The following ACKR3 variants were observed in gnomAD, a reference collection of about 807,000 sequenced individuals.
ACKR3 encodes atypical chemokine receptor 3.
In ACKR3, 6 loss-of-function variants were observed where a neutral mutation model predicts 22.4. The observed-to-expected ratio is 0.27, with a 90% CI of 0.15 to 0.53. ACKR3 has a LOEUF of 0.53. Among genes scored for constraint, ACKR3 ranks in the 20% least tolerant of loss-of-function variants. ACKR3 has a pLI of 0.96. For synonymous variants in ACKR3, 209 were observed against 205.2 expected, an observed-to-expected ratio of 1.02 and a Z score of -0.16; for missense variants, 396 against 475.2, an observed-to-expected ratio of 0.83 and a Z score of 1.55.
chr2:236,580,242 C>T (rs1409157712), intron 1 of ACKR3, among the ~76,000 whole-genome samples, 198 bp from the exon 2 acceptor site: 1 of 152,212 alleles, frequency 6.6e-6, no homozygotes, highest in Admixed American at 6.5e-5. Flanking sequence ...GATTTAGATT[C>T]AGAGTATGAT....
At chr2:236,550,980 A>C in the ACKR3 span, among the ~76,000 whole-genome samples, 2 of 151,820 alleles carry the variant, frequency 1.3e-5, no homozygotes, top group Non-Finnish European at 2.9e-5. The surrounding 1 kb of genome is among the most constrained non-coding windows in gnomAD (Gnocchi z 4.6). Flanking sequence ...CCAATCCTCC[A>C]CCTTGTTTGT....
chr2:236,542,936 C>T, the ACKR3 span, among the ~76,000 whole-genome samples: 1 of 83,886 alleles, frequency 1.2e-5, no homozygotes, highest in Non-Finnish European at 2.0e-5. Context: ...ACTACTTGTA[C>T]AATACATTCT....
the ACKR3 span, among the ~76,000 whole-genome samples, chr2:236,555,659 C>G: frequency 2.0e-5 from 3 of 152,096 alleles, no homozygotes; most frequent in Non-Finnish European, 4.4e-5. Context: ...CATGACAGCC[C>G]CTGGTTCCTG....
At chr2:236,548,488 T>C in the ACKR3 span, among the ~76,000 whole-genome samples, 4 of 152,198 alleles carry the variant, frequency 2.6e-5, no homozygotes, top group African/African-American at 9.7e-5. The surrounding 1 kb of genome is among the most constrained non-coding windows in gnomAD (Gnocchi z 4.3). Context: ...AGAACCTAGG[T>C]TAAGATGGTA....
At chr2:236,538,541 A>C in the ACKR3 span, among the ~76,000 whole-genome samples, 1 of 150,016 alleles carries the variant, frequency 6.7e-6, no homozygotes, top group Non-Finnish European at 1.5e-5. Flanking sequence ...ACTGGCCCCA[A>C]GCATGGAAAG....
At chr2:236,578,649 A>C (rs571757412) in intron 1 of ACKR3, among the ~76,000 whole-genome samples, 122 of 152,322 alleles carry the variant, frequency 8.0e-4, no homozygotes, top group Non-Finnish European at 1.4e-3. Context: ...GTCTCCGCTA[A>C]GTGGGGTTCA....
chr2:236,550,794 C>T, the ACKR3 span, among the ~76,000 whole-genome samples: 7 of 152,136 alleles, frequency 4.6e-5, no homozygotes, highest in Non-Finnish European at 1.0e-4. The surrounding 1 kb of genome is among the most constrained non-coding windows in gnomAD (Gnocchi z 4.6). Flanking sequence ...CATTAACGAG[C>T]GGCTACTCAA....
the ACKR3 span, among the ~76,000 whole-genome samples, chr2:236,551,695 G>A: frequency 6.6e-6 from 1 of 152,182 alleles, no homozygotes; most frequent in Admixed American, 6.5e-5. Flanking sequence ...ATACCAAAAT[G>A]TGCCTTGGAC....
In ACKR3 at chr2:236,573,014, T is replaced by C. The variant is rs150059757; in HGVS notation, c.-27+3090T>C. On this transcript the variant is annotated intron_variant, in intron 1 of 1. Transcript: ENST00000272928. ...ACTAGTGAATGTGTAGTCAAGACTG[T>C]TTTCCATTTGCTGGCAGCAGAGGGG... 4.9e-3 allele frequency among the ~76,000 whole-genome samples: 746 copies of C among 152,314 alleles called. 6 individuals carry two copies. The highest frequency in any genetic ancestry group is 0.017 in the African/African-American group (704 of 41,568).
chr2:236,564,686 T>C (rs1045698070), upstream of ACKR3, among the ~76,000 whole-genome samples: 14 of 151,990 alleles, frequency 9.2e-5, no homozygotes, highest in Non-Finnish European at 1.9e-4. Flanking sequence ...TAAAAAAGTC[T>C]GCAGTCTTAG....
At chr2:236,561,905 T>C in the ACKR3 span, among the ~76,000 whole-genome samples, 93 of 152,260 alleles carry the variant, frequency 6.1e-4, no homozygotes, top group Non-Finnish European at 1.2e-3. Context: ...AATAATCCTG[T>C]CAACTGATAA....
In ACKR3 at chr2:236,581,205, A is replaced by G. The variant is rs1691524122; in HGVS notation, c.740A>G (p.Lys247Arg). Reference protein sequence around the residue: ...RAISASSDQEKHSSRKIIFSY... With the variant: ...RAISASSDQERHSSRKIIFSY... ...ATCTCGGCGTCCAGTGACCAGGAGA[A>G]GCACAGCAGCCGGAAGATCATCTTC... Residue 247 changes from lysine (K) to arginine (R), a missense_variant, in exon 2 of 2, where the codon AAG (lysine) becomes AGG (arginine). Lys to Arg is a conservative substitution (Grantham distance 26). Coordinates refer to ENST00000272928, the MANE Select transcript of ACKR3 (RefSeq NM_020311.3). The surrounding 1 kb of genome is among the most constrained non-coding windows in gnomAD (Gnocchi z 4.4). The G allele has an allele frequency of 6.2e-7, 1 of 1,613,734 alleles. No individual in the cohort carries two copies. Among genetic ancestry groups the G allele is most frequent in the Non-Finnish European group, 8.5e-7 (1 of 1,179,724 alleles).
the ACKR3 span, among the ~76,000 whole-genome samples, chr2:236,553,140 G>T: frequency 4.3e-4 from 66 of 152,296 alleles, no homozygotes; most frequent in East Asian, 0.011. Context: ...CCTGCGGTTG[G>T]CTGCTTTGCA....
chr2:236,562,321 C>T, the ACKR3 span, among the ~76,000 whole-genome samples: 9,758 of 152,214 alleles, frequency 0.064, 394 homozygotes, highest in Non-Finnish European at 0.1. Flanking sequence ...CACAGTATAT[C>T]GTACATATGT....
rs773878214 is a variant in ACKR3, at chr2:236,580,651, C to T, written c.186C>T (p.Asn62=). The change falls in exon 2 of 2, where the codon AAC becomes AAT. Residue 62 remains asparagine (N), a synonymous_variant. Transcript: ENST00000272928. ...IFIFVIGMIA[N]SVVVWVNIQA... The stretch of plus-strand genomic sequence containing the variant: ...TCTTCGTCATCGGCATGATTGCCAA[C>T]TCCGTGGTGGTCTGGGTGAATATCC... 1 of 1,614,104 alleles carries T rather than the reference C, an allele frequency of 6.2e-7. No individual in the cohort carries two copies. The highest frequency in any genetic ancestry group is 1.1e-5 in the South Asian group (1 of 91,060).
At chr2:236,566,985 ACCTTCCTT>A (rs879930974), upstream of ACKR3, among the ~76,000 whole-genome samples, 571 of 112,624 alleles carry the variant, frequency 5.1e-3, 4 homozygotes, top group African/African-American at 0.018. Context: ...CTTCCTTCCT[ACCTTCCTT>A]CCTTCCTTCC....
intron 1 of ACKR3, among the ~76,000 whole-genome samples, chr2:236,572,532 C>T (rs1559471443): frequency 6.6e-6 from 1 of 152,216 alleles, no homozygotes; most frequent in Non-Finnish European, 1.5e-5. Context: ...ATATGCAGAG[C>T]CTAAGTTTGC....
At chr2:236,561,803 T>G in the ACKR3 span, among the ~76,000 whole-genome samples, 1 of 152,246 alleles carries the variant, frequency 6.6e-6, no homozygotes. Flanking sequence ...CATGACTGAC[T>G]TTTGTATACT....
At chr2:236,566,049 C>T (rs1018117712), upstream of ACKR3, among the ~76,000 whole-genome samples, 1 of 152,214 alleles carries the variant, frequency 6.6e-6, no homozygotes, top group Non-Finnish European at 1.5e-5. Flanking sequence ...TGTCTCCACT[C>T]TAACGGGGCT....
Sources: allele counts gnomAD v4.1 joint callset (sites outside exome capture counted in the v4.1 genomes callset), GRCh38; gene constraint gnomAD v4.1.1; non-coding constraint Gnocchi (gnomAD v3.1); transcripts MANE v1.5; gene names NCBI Gene and HGNC (gene_info 2026-07-23, HGNC 2026-07-21).